DERA: variants seen among roughly 807,000 people sequenced by gnomAD.
The protein encoded by DERA is deoxyribose-phosphate aldolase, also known as 2-deoxy-D-ribose 5-phosphate aldolase.
A neutral mutation model predicts 41.1 loss-of-function variants in DERA; 15 were observed. The observed-to-expected ratio is 0.37, with a 90% CI of 0.24 to 0.56. The LOEUF (loss-of-function observed/expected upper bound fraction) is 0.56, where lower values mean the gene tolerates loss of function less well. Among genes scored for constraint, DERA ranks in the 20% least tolerant of loss-of-function variants. The probability of loss-of-function intolerance (pLI) is 0.81; values close to 1 mark genes in which losing one functional copy is unlikely to be tolerated. For synonymous variants in DERA, 139 were observed against 137.4 expected (o/e 1.01, Z -0.08); for missense variants, 396 against 403.4 (o/e 0.98, Z 0.16).
intron 5 of DERA, among the ~76,000 whole-genome samples, chr12:15,963,732 A>T (rs1793431991): frequency 6.6e-6 from 1 of 152,292 alleles, no homozygotes; most frequent in East Asian, 1.9e-4. Flanking sequence ...ATATCAAATA[A>T]ATGGCATATT....
chr12:15,959,408 C>T lies in DERA; in HGVS notation c.278-421C>T, dbSNP rs554782555. ...GTTAAATGTCATTTTTGTGGTACCA[C>T]CCTCTAAATTGTACTTATATTTGTC... On this transcript the variant is annotated intron_variant, in intron 3 of 8. Transcript: ENST00000428559. The surrounding 1 kb of genome is among the most constrained non-coding windows in gnomAD (Gnocchi z 4.5). 3.3e-5 allele frequency among the ~76,000 whole-genome samples: 5 copies of T among 152,152 alleles called. No homozygotes were observed. The highest frequency in any genetic ancestry group is 5.9e-5 in the Non-Finnish European group (4 of 68,024).
At position 15,943,325 on chromosome 12, in the gene DERA, T is replaced by C. The variant is rs1948421785; in HGVS notation, c.32-13611T>C. Among the ~76,000 whole-genome samples, 1 of 152,188 alleles carries C rather than the reference T, an allele frequency of 6.6e-6. No individual in the cohort carries two copies. The highest frequency in any genetic ancestry group is 2.1e-4 in the South Asian group (1 of 4,824). On this transcript the variant is annotated intron_variant, in intron 1 of 8. Coordinates refer to ENST00000428559, the MANE Select transcript of DERA (RefSeq NM_015954.4). The surrounding 1 kb of genome is among the most constrained non-coding windows in gnomAD (Gnocchi z 4.5). ...GTTGATTGATGAGATTTTGACCCCCTCCACTGTATTCCTTTTAGTGATTTG... is the reference window on the plus strand; with the variant it reads ...GTTGATTGATGAGATTTTGACCCCCCCCACTGTATTCCTTTTAGTGATTTG...
In DERA at chr12:16,036,223, C is replaced by A. The variant is rs367583355; in HGVS notation, c.751-9C>A. ...TAAAGATTGTTCTATTCTCTGCCTT[C>A]CCATTTAGATAGGGTTTAAACCAGC... On this transcript the variant is annotated splice_polypyrimidine_tract_variant and intron_variant, in intron 7 of 8. Transcript: ENST00000428559. The surrounding 1 kb of genome is among the most constrained non-coding windows in gnomAD (Gnocchi z 4.9). 1.9e-6 allele frequency: 3 copies of A among 1,590,274 alleles called. No individual in the cohort carries two copies. The highest frequency in any genetic ancestry group is 2.7e-5 in the African/African-American group (2 of 73,454).
Position 15,959,655 on chromosome 12 carries a change from A to C in DERA, c.278-174A>C, listed in dbSNP as rs1948568124. Among the ~76,000 whole-genome samples, 1 of 152,254 alleles carries C rather than the reference A, an allele frequency of 6.6e-6. No homozygotes were observed. ...GATAAGAAAATAATCCATATTGTCA[A>C]GAACTAGAAGGGAATGTGGAAAATA... On this transcript the variant is annotated intron_variant, in intron 3 of 8. Transcript: ENST00000428559. This position sits in a 1 kb window ranked among gnomAD's most constrained non-coding sequence, Gnocchi z 4.5.
At position 15,957,665 on chromosome 12, in the gene DERA, G is replaced by T. The variant is rs1403517608; in HGVS notation, c.130-523G>T. Among the ~76,000 whole-genome samples, 1 of 152,058 alleles carries T rather than the reference G, an allele frequency of 6.6e-6. No individual in the cohort carries two copies. Among genetic ancestry groups the T allele is most frequent in the Non-Finnish European group, 1.5e-5 (1 of 68,018 alleles). On this transcript the variant is annotated intron_variant, in intron 2 of 8. Transcript: ENST00000428559. This position sits in a 1 kb window ranked among gnomAD's most constrained non-coding sequence, Gnocchi z 4.8. ...TTTTGCTCATCCTTAGAAATATTCT[G>T]GTTGAAAAGGTAAAATAAAATTCAT...
intron 1 of DERA, among the ~76,000 whole-genome samples, chr12:15,952,245 T>C (rs966698911): frequency 6.6e-6 from 1 of 152,218 alleles, no homozygotes; most frequent in African/African-American, 2.4e-5. Context: ...GTTTTTTGGA[T>C]TTGCTATATA....
chr12:15,971,671 C>T (rs558978878), intron 5 of DERA, among the ~76,000 whole-genome samples: 1 of 152,172 alleles, frequency 6.6e-6, no homozygotes, highest in Admixed American at 6.5e-5. Context: ...TGTCCACCAC[C>T]ATGCCCAGCT....
At chr12:15,968,226 G>T (rs927708410) in intron 5 of DERA, among the ~76,000 whole-genome samples, 10 of 151,634 alleles carry the variant, frequency 6.6e-5, no homozygotes, top group Non-Finnish European at 1.0e-4. Context: ...ATGTTTTATT[G>T]TATTACTAAT....
In DERA at chr12:16,013,020, A is replaced by T. The variant is rs891221157; in HGVS notation, c.638-19522A>T. On this transcript the variant is annotated intron_variant, in intron 6 of 8. Transcript: ENST00000428559. This position sits in a 1 kb window ranked among gnomAD's most constrained non-coding sequence, Gnocchi z 5.8. ...GCTACATATGGTGTGTAACTATCAT[A>T]TTGGACTATGACGTGCAGCCCTAGA... Among the ~76,000 whole-genome samples, 1 of 152,172 alleles carries T rather than the reference A, an allele frequency of 6.6e-6. No homozygotes were observed. Among genetic ancestry groups the T allele is most frequent in the African/African-American group, 2.4e-5 (1 of 41,436 alleles).
rs185669467 is a variant in DERA at position 16,012,629 on chromosome 12, A to C, written c.638-19913A>C. On this transcript the variant is annotated intron_variant, in intron 6 of 8. Coordinates refer to ENST00000428559, the MANE Select transcript of DERA (RefSeq NM_015954.4). This position sits in a 1 kb window ranked among gnomAD's most constrained non-coding sequence, Gnocchi z 4.1. ...ACAGGGGATCTTCTTATTCTATTCTACCTCTAGGCAGAATTAAGCCTTTTT... is the reference window on the plus strand; with the variant it reads ...ACAGGGGATCTTCTTATTCTATTCTCCCTCTAGGCAGAATTAAGCCTTTTT... Among the ~76,000 whole-genome samples, 2 of 152,174 alleles carry C rather than the reference A, an allele frequency of 1.3e-5. No homozygotes were observed. Among genetic ancestry groups the C allele is most frequent in the Non-Finnish European group, 2.9e-5 (2 of 68,024 alleles).
At position 15,967,541 on chromosome 12, in the gene DERA, T is replaced by G. The variant is rs1948631233; in HGVS notation, c.508+4594T>G. ...TGATTATTCCAAACTGTTTCATTACTGATTATATTATCCCAGAATACAGTG... is the reference window on the plus strand; with the variant it reads ...TGATTATTCCAAACTGTTTCATTACGGATTATATTATCCCAGAATACAGTG... On this transcript the variant is annotated intron_variant, in intron 5 of 8. Transcript: ENST00000428559. This position sits in a 1 kb window ranked among gnomAD's most constrained non-coding sequence, Gnocchi z 4.9. Among the ~76,000 whole-genome samples the G allele has an allele frequency of 6.6e-6, 1 of 152,258 alleles. No homozygotes were observed. The highest frequency in any genetic ancestry group is 1.5e-5 in the Non-Finnish European group (1 of 68,042).
chr12:16,022,969 T>C (rs1949026444), intron 6 of DERA, among the ~76,000 whole-genome samples: 1 of 152,178 alleles, frequency 6.6e-6, no homozygotes, highest in Non-Finnish European at 1.5e-5. Flanking sequence ...ATATTCCCTA[T>C]AGTAAAGCCT....
In DERA at chr12:15,967,646, T is replaced by C. The variant is rs1315150951; in HGVS notation, c.508+4699T>C. On this transcript the variant is annotated intron_variant, in intron 5 of 8. Coordinates refer to ENST00000428559, the MANE Select transcript of DERA (RefSeq NM_015954.4). The surrounding 1 kb of genome is among the most constrained non-coding windows in gnomAD (Gnocchi z 4.9). ...CCAGACTCTTGTGCTTTTTGATTTATGTATCTTCTTATTTGTTACTGTTTT... is the reference window on the plus strand; with the variant it reads ...CCAGACTCTTGTGCTTTTTGATTTACGTATCTTCTTATTTGTTACTGTTTT... Among the ~76,000 whole-genome samples the C allele has an allele frequency of 6.6e-6, 1 of 152,224 alleles. No individual in the cohort carries two copies. Among genetic ancestry groups the C allele is most frequent in the Non-Finnish European group, 1.5e-5 (1 of 68,040 alleles).
chr12:15,958,237 C>A lies in DERA; in HGVS notation c.179C>A (p.Ser60Ter). ...ACCTTTATAGATCTTACTACACTTTCAGGTGATGATACATCTTCCAACATT... is the reference window on the plus strand; with the variant it reads ...ACCTTTATAGATCTTACTACACTTTAAGGTGATGATACATCTTCCAACATT... ...AVTFIDLTTL[S>*]GDDTSSNIQR... The change falls in exon 3 of 9, where the codon TCA becomes TAA. Residue 60 changes from serine (S) to a stop codon, truncating the protein, a stop_gained. Transcript: ENST00000428559. LOFTEE classifies it high-confidence loss of function. 1 of 1,592,984 alleles carries A rather than the reference C, an allele frequency of 6.3e-7. No individual in the cohort carries two copies. The highest frequency in any genetic ancestry group is 2.3e-5 in the East Asian group (1 of 44,398).
chr12:15,963,989 G>A (rs1424417001), intron 5 of DERA, among the ~76,000 whole-genome samples: 4 of 152,174 alleles, frequency 2.6e-5, no homozygotes, highest in Non-Finnish European at 5.9e-5. Context: ...TAAACCCTCA[G>A]TATTTATTCT....
At position 16,026,251 on chromosome 12, in the gene DERA, CT is replaced by C. The variant is rs1247788345; in HGVS notation, c.638-6281del. The stretch of plus-strand genomic sequence containing the variant: ...TTTTTTTTAAATATCCTAAAAGCTA[CT>C]TTTTTTTTTCTCCCCCCGTAAGATT... On this transcript the variant is annotated intron_variant, in intron 6 of 8. Coordinates refer to ENST00000428559, the MANE Select transcript of DERA (RefSeq NM_015954.4). The surrounding 1 kb of genome is among the most constrained non-coding windows in gnomAD (Gnocchi z 4.4). Among the ~76,000 whole-genome samples, 366 of 148,000 alleles carry C rather than the reference CT, an allele frequency of 2.5e-3. 2 individuals are homozygous for C. Among genetic ancestry groups the C allele is most frequent in the African/African-American group, 7.7e-3 (311 of 40,500 alleles).
chr12:15,920,274 C>G (rs1165177779), intron 1 of DERA, among the ~76,000 whole-genome samples: 2 of 152,100 alleles, frequency 1.3e-5, no homozygotes, highest in Non-Finnish European at 2.9e-5. Flanking sequence ...AGCAGAAAGG[C>G]ATGTTTGTTA....
At chr12:15,955,097 C>T (rs1948528002) in intron 1 of DERA, among the ~76,000 whole-genome samples, 2 of 151,768 alleles carry the variant, frequency 1.3e-5, no homozygotes, top group African/African-American at 2.4e-5. Context: ...GTCGGGAGTT[C>T]GATACCAGCC....
rs772067647 is a variant in DERA, at chr12:16,019,729, C to T, written c.638-12813C>T. 1.1e-4 allele frequency among the ~76,000 whole-genome samples: 17 copies of T among 152,150 alleles called. No homozygotes were observed. Among genetic ancestry groups the T allele is most frequent in the Middle Eastern group, 6.8e-3 (2 of 294 alleles). On this transcript the variant is annotated intron_variant, in intron 6 of 8. Transcript: ENST00000428559. This position sits in a 1 kb window ranked among gnomAD's most constrained non-coding sequence, Gnocchi z 4.4. Reference sequence around the variant, plus strand: ...TTCCATCTGTTCCATGAAGCCTTCCCGTATTATTCTAGCTAAAGTTATTTC... The same window carrying T: ...TTCCATCTGTTCCATGAAGCCTTCCTGTATTATTCTAGCTAAAGTTATTTC...
Sources: gnomAD v4.1 joint callset for allele counts (sites outside exome capture counted in the v4.1 genomes callset) on GRCh38, gnomAD v4.1.1 for gene constraint, Gnocchi (gnomAD v3.1) non-coding constraint, MANE v1.5 for transcripts, NCBI Gene and HGNC (gene_info 2026-07-23, HGNC 2026-07-21) for gene names.